Variants in ARHGAP26 observed in about 807,000 individuals in gnomAD.
ARHGAP26 encodes the protein Rho GTPase activating protein 26.
Under a neutral mutation model 104.8 loss-of-function variants are expected in ARHGAP26, and 38 were observed. That is an observed-to-expected ratio of 0.36 (90% CI 0.28 to 0.48). The LOEUF (loss-of-function observed/expected upper bound fraction) is 0.48. ARHGAP26 is among the 20% of genes least tolerant of loss of function. The pLI, the probability that ARHGAP26 is intolerant of heterozygous loss-of-function variation, is 0.99. For missense variants in ARHGAP26, 704 were observed against 947.9 expected (o/e 0.74, Z 3.38); for synonymous variants, 341 against 340.0 (o/e 1.00, Z -0.03).
chr5:143,166,512 T>G (rs1801966788), intron 20 of ARHGAP26, among the ~76,000 whole-genome samples: 1 of 152,216 alleles, frequency 6.6e-6, no homozygotes, highest in African/African-American at 2.4e-5. Flanking sequence ...TGCTCCCCTC[T>G]GGCTTATTCT....
At chr5:142,879,529 G>A in intron 4 of ARHGAP26, 84 bp downstream of exon 4, 1 of 1,281,974 alleles carries the variant, frequency 7.8e-7, no homozygotes, top group Admixed American at 2.4e-5. Context: ...AAAGTCTTCA[G>A]AAATGTCTTC....
intron 1 of ARHGAP26, among the ~76,000 whole-genome samples, chr5:142,852,247 C>T (rs1369842049): frequency 6.6e-6 from 1 of 152,222 alleles, no homozygotes; most frequent in Non-Finnish European, 1.5e-5. Context: ...AGGGACAGAT[C>T]TCAGGTGGGA....
intron 11 of ARHGAP26, among the ~76,000 whole-genome samples, chr5:142,981,896 T>G (rs574064578): frequency 6.6e-6 from 1 of 152,356 alleles, no homozygotes; most frequent in Non-Finnish European, 1.5e-5. Context: ...GCTTCCATTT[T>G]GCTATCCTCT....
intron 22 of ARHGAP26, among the ~76,000 whole-genome samples, chr5:143,220,776 C>T (rs1811032634): frequency 6.6e-6 from 1 of 152,158 alleles, no homozygotes; most frequent in Non-Finnish European, 1.5e-5. Flanking sequence ...TTGTCTTTTC[C>T]TAAGGAGGCA....
chr5:142,797,598 A>G (rs1761248498), intron 1 of ARHGAP26, among the ~76,000 whole-genome samples: 1 of 152,212 alleles, frequency 6.6e-6, no homozygotes, highest in South Asian at 2.1e-4. Flanking sequence ...TGGCAAGATC[A>G]AAGAACAGGT....
intron 17 of ARHGAP26, among the ~76,000 whole-genome samples, chr5:143,119,759 G>A (rs1281632801): frequency 1.3e-5 from 2 of 152,074 alleles, no homozygotes; most frequent in Non-Finnish European, 2.9e-5. Context: ...ACCTTTAGAG[G>A]AGGAAGTTAA....
intron 17 of ARHGAP26, among the ~76,000 whole-genome samples, chr5:143,070,877 A>G (rs563909926): frequency 2.9e-4 from 44 of 152,222 alleles, no homozygotes; most frequent in African/African-American, 1.0e-3. Flanking sequence ...GTGCCACTGC[A>G]CTCCAGCCTG....
At chr5:143,004,136 C>T (rs245847) in intron 11 of ARHGAP26, among the ~76,000 whole-genome samples, 1 of 151,776 alleles carries the variant, frequency 6.6e-6, no homozygotes, top group Non-Finnish European at 1.5e-5. Context: ...GAACACTCAT[C>T]AGTGTATAAG....
At chr5:143,118,960 A>G (rs970751971) in intron 17 of ARHGAP26, among the ~76,000 whole-genome samples, 8 of 151,798 alleles carry the variant, frequency 5.3e-5, no homozygotes, top group Non-Finnish European at 1.0e-4. Context: ...AAAAAAAGAA[A>G]GAAGAAAGAA....
intron 1 of ARHGAP26, among the ~76,000 whole-genome samples, chr5:142,804,161 T>C (rs756441522): frequency 6.6e-6 from 1 of 152,230 alleles, no homozygotes; most frequent in African/African-American, 2.4e-5. Flanking sequence ...TTGAATCATA[T>C]GAAATTGCCA....
intron 14 of ARHGAP26, among the ~76,000 whole-genome samples, chr5:143,047,441 G>A (rs1784383678): frequency 6.6e-6 from 1 of 152,146 alleles, no homozygotes; most frequent in African/African-American, 2.4e-5. Context: ...AATATAAAAT[G>A]TTAGCTGTTA....
At chr5:143,035,298 A>G (rs1007002828) in intron 12 of ARHGAP26, among the ~76,000 whole-genome samples, 4 of 152,224 alleles carry the variant, frequency 2.6e-5, no homozygotes, top group South Asian at 2.1e-4. Flanking sequence ...CCAAATGCCT[A>G]TCAGTCAACA....
At chr5:143,078,888 T>C (rs1265864789) in intron 17 of ARHGAP26, among the ~76,000 whole-genome samples, 1 of 152,230 alleles carries the variant, frequency 6.6e-6, no homozygotes, top group African/African-American at 2.4e-5. Flanking sequence ...CCGGTGGTTA[T>C]GGTAGCATCA....
intron 19 of ARHGAP26, among the ~76,000 whole-genome samples, 189 bp downstream of exon 19, chr5:143,134,294 G>C (rs1797686080): frequency 6.6e-6 from 1 of 152,164 alleles, no homozygotes; most frequent in Admixed American, 6.5e-5. Context: ...CAATATTATT[G>C]AGAATGAAAG....
chr5:143,224,194 A>G lies in ARHGAP26; in HGVS notation c.*1748A>G, dbSNP rs1811478650. 1 of 230,984 alleles carries G rather than the reference A, an allele frequency of 4.3e-6. No homozygotes were observed. Among genetic ancestry groups the G allele is most frequent in the Non-Finnish European group, 8.6e-6 (1 of 116,478 alleles). The allele number at this position is 230,984 out of a possible 1,614,324, so 14.3% of individuals were successfully genotyped here. ...TTTTATATTTGATATTCTTTAAGTT[A>G]GTTGCTCACACACTTAGGCTTTGAT... On this transcript the variant is annotated 3_prime_UTR_variant, in exon 23 of 23. Transcript: ENST00000645722.
Position 143,227,561 on chromosome 5 carries a change from A to G in ARHGAP26, c.*5115A>G, listed in dbSNP as rs1811768310. On this transcript the variant is annotated 3_prime_UTR_variant, in exon 23 of 23. Transcript: ENST00000645722. ...AGAGCAGCGAATCTTGCACAGCCCC[A>G]CAGCATGCCTGAGACAAGACTCCAA... The G allele has an allele frequency of 4.3e-6, 1 of 230,442 alleles. No homozygotes were observed. Among genetic ancestry groups the G allele is most frequent in the South Asian group, 1.8e-4 (1 of 5,498 alleles). 14.3% of individuals were successfully genotyped at this position (230,442 alleles called of 1,614,324 possible). A position where few individuals can be genotyped will look rare whatever the true frequency, so the allele number is the denominator to read the frequency against.
chr5:143,213,733 G>C (rs899366587), intron 21 of ARHGAP26, among the ~76,000 whole-genome samples: 5 of 152,178 alleles, frequency 3.3e-5, no homozygotes, highest in African/African-American at 1.2e-4. Flanking sequence ...TAACTCCCAG[G>C]TAAAGTTTTA....
intron 1 of ARHGAP26, among the ~76,000 whole-genome samples, chr5:142,846,415 G>A (rs1366451097): frequency 1.3e-5 from 2 of 152,174 alleles, no homozygotes; most frequent in East Asian, 3.9e-4. Context: ...AATGTCTTTT[G>A]GTGTGGCCCA....
At position 143,228,611 on chromosome 5, in the gene ARHGAP26, T is replaced by G. The variant is rs1811840878; in HGVS notation, c.*6165T>G. 1 of 213,324 alleles carries G rather than the reference T, an allele frequency of 4.7e-6. No homozygotes were observed. The highest frequency in any genetic ancestry group is 9.5e-6 in the Non-Finnish European group (1 of 105,208). 13.2% of individuals were successfully genotyped at this position (213,324 alleles called of 1,614,324 possible). On this transcript the variant is annotated 3_prime_UTR_variant, in exon 23 of 23. Coordinates refer to ENST00000645722, the MANE Select transcript of ARHGAP26 (RefSeq NM_001135608.3). ...GAAAAGAAAATATTTGCATGTTTAA[T>G]TCATAATTTAGGCTATCTTTGAGTA...
Sources: allele counts gnomAD v4.1 joint callset (sites outside exome capture counted in the v4.1 genomes callset), GRCh38; gene constraint gnomAD v4.1.1; transcripts MANE v1.5; gene names NCBI Gene and HGNC (gene_info 2026-07-23, HGNC 2026-07-21).